The following TTC28 variants were observed in gnomAD, a reference collection of about 807,000 sequenced individuals.
TTC28 encodes the protein tetratricopeptide repeat domain 28, also known as tetratricopeptide repeat protein 28.
In TTC28, 61 loss-of-function variants were observed where a neutral mutation model predicts 198.0. The observed-to-expected ratio is 0.31, with a 90% CI of 0.25 to 0.38. TTC28 has a LOEUF of 0.38. Ranked by LOEUF, TTC28 falls within the 10% of genes least tolerant of loss-of-function variation. The pLI is 1.00. For missense variants in TTC28, 2,678 were observed against 3,164.0 expected, an observed-to-expected ratio of 0.85 and a Z score of 3.69; for synonymous variants, 1,171 against 1,297.8, an observed-to-expected ratio of 0.90 and a Z score of 2.10.
intron 2 of TTC28, among the ~76,000 whole-genome samples, chr22:28,577,902 G>A (rs1024174429): frequency 1.3e-5 from 2 of 151,952 alleles, no homozygotes; most frequent in African/African-American, 4.8e-5. Flanking sequence ...ATGGTGTCTT[G>A]TTTTTTATCC....
intron 5 of TTC28, among the ~76,000 whole-genome samples, chr22:28,190,215 G>C (rs996005705): frequency 6.6e-6 from 1 of 152,144 alleles, no homozygotes; most frequent in African/African-American, 2.4e-5. Flanking sequence ...TCTGCTGAGG[G>C]GGTACTTTGT....
chr22:28,224,699 G>A (rs34637076), intron 5 of TTC28, among the ~76,000 whole-genome samples: 10,122 of 152,200 alleles, frequency 0.067, 355 homozygotes, highest in African/African-American at 0.074. Context: ...CAGGGAGATG[G>A]CTGATGAGAA....
intron 1 of TTC28, among the ~76,000 whole-genome samples, chr22:28,663,881 A>G (rs2051796810): frequency 4.0e-5 from 1 of 25,300 alleles, no homozygotes; most frequent in Non-Finnish European, 6.8e-5. Flanking sequence ...TAACCTCTGC[A>G]GACTTAAGTG....
At chr22:28,542,562 T>C (rs2049438668) in intron 2 of TTC28, among the ~76,000 whole-genome samples, 1 of 152,174 alleles carries the variant, frequency 6.6e-6, no homozygotes, top group Non-Finnish European at 1.5e-5. Flanking sequence ...CAATTCTATG[T>C]TATGTATATT....
chr22:28,559,577 T>C (rs1445843098), intron 2 of TTC28, among the ~76,000 whole-genome samples: 2 of 152,210 alleles, frequency 1.3e-5, no homozygotes, highest in African/African-American at 4.8e-5. Flanking sequence ...CAACAGCATC[T>C]ATTTCCCCAC....
intron 6 of TTC28, among the ~76,000 whole-genome samples, chr22:28,146,393 A>C (rs552023194): frequency 6.6e-6 from 1 of 152,326 alleles, no homozygotes; most frequent in South Asian, 2.1e-4. Flanking sequence ...TGAGTTCTTC[A>C]CTGACGAACT....
chr22:28,637,047 C>T (rs758138055), intron 1 of TTC28, among the ~76,000 whole-genome samples: 1 of 134,598 alleles, frequency 7.4e-6, no homozygotes. Flanking sequence ...CTTGCTCTGT[C>T]GCCCAGGCTG....
At chr22:28,671,075 G>A (rs768670112) in intron 1 of TTC28, among the ~76,000 whole-genome samples, 3 of 151,962 alleles carry the variant, frequency 2.0e-5, no homozygotes, top group Non-Finnish European at 4.4e-5. Flanking sequence ...CTGCAGCTGC[G>A]ATTTCCCAGG....
chr22:28,454,034 T>C (rs762480073), intron 2 of TTC28, among the ~76,000 whole-genome samples: 21 of 152,262 alleles, frequency 1.4e-4, no homozygotes, highest in Non-Finnish European at 2.5e-4. Flanking sequence ...ATTGCAGTTA[T>C]GTCTACCTGG....
intron 2 of TTC28, among the ~76,000 whole-genome samples, chr22:28,359,177 G>A (rs1364663440): frequency 3.9e-5 from 6 of 152,020 alleles, no homozygotes; most frequent in African/African-American, 1.4e-4. Flanking sequence ...TCTAGAATAC[G>A]GGTTGGAATA....
At chr22:28,390,416 T>C (rs1185555805) in intron 2 of TTC28, among the ~76,000 whole-genome samples, 1 of 152,120 alleles carries the variant, frequency 6.6e-6, no homozygotes, top group Non-Finnish European at 1.5e-5. Flanking sequence ...TTCTGTCTCG[T>C]TGATCTGTCT....
chr22:28,285,464 A>G (rs2044666406), intron 5 of TTC28, among the ~76,000 whole-genome samples: 1 of 152,128 alleles, frequency 6.6e-6, no homozygotes, highest in East Asian at 1.9e-4. Flanking sequence ...TATAAGACAA[A>G]TAAGTTCTGG....
At chr22:28,366,043 G>C (rs1398089819) in intron 2 of TTC28, among the ~76,000 whole-genome samples, 1 of 152,184 alleles carries the variant, frequency 6.6e-6, no homozygotes, top group Non-Finnish European at 1.5e-5. Flanking sequence ...CAAAAGGAAA[G>C]AACGTGCTAC....
At position 28,505,889 on chromosome 22, in the gene TTC28, C is replaced by T. The variant is rs183585258; in HGVS notation, c.381+123663G>A. Among the ~76,000 whole-genome samples, 25 of 152,346 alleles carry T rather than the reference C, an allele frequency of 1.6e-4. No individual in the cohort carries two copies. The East Asian group carries it at 4.8e-3, about 29-fold the overall frequency. ...AGGCTGGAGTCGGCCTGAGTTGGAA[C>T]GGAGTTCCCGGGGAAGAAGGGTGGC... On this transcript the variant is annotated intron_variant, in intron 2 of 22. Coordinates refer to ENST00000397906, the MANE Select transcript of TTC28 (RefSeq NM_001145418.2).
chr22:28,333,886 A>G (rs1265145244), intron 2 of TTC28, among the ~76,000 whole-genome samples: 3 of 152,090 alleles, frequency 2.0e-5, no homozygotes, highest in Non-Finnish European at 4.4e-5. Context: ...CTTTTAGGGT[A>G]CATGTCCATA....
intron 2 of TTC28, among the ~76,000 whole-genome samples, chr22:28,429,057 A>G (rs1371855845): frequency 2.0e-5 from 3 of 152,224 alleles, no homozygotes; most frequent in Non-Finnish European, 4.4e-5. Context: ...GTGTTACTCA[A>G]TTTGCCTCCT....
At position 28,530,131 on chromosome 22, in the gene TTC28, G is replaced by A. The variant is rs547455979; in HGVS notation, c.381+99421C>T. Among the ~76,000 whole-genome samples, 32 of 152,264 alleles carry A rather than the reference G, an allele frequency of 2.1e-4. No homozygotes were observed. The East Asian group carries it at 2.5e-3, about 12-fold the overall frequency. On this transcript the variant is annotated intron_variant, in intron 2 of 22. Coordinates refer to ENST00000397906, the MANE Select transcript of TTC28 (RefSeq NM_001145418.2). The stretch of plus-strand genomic sequence containing the variant: ...TTCTCCGAGCTAAAGGAGGATGTTC[G>A]AAACCACTGCAAAGAAGCTAAAAAC...
chr22:28,201,418 G>A (rs985565050), intron 5 of TTC28, among the ~76,000 whole-genome samples: 1 of 152,116 alleles, frequency 6.6e-6, no homozygotes, highest in Admixed American at 6.6e-5. Flanking sequence ...TTCTTAGGGT[G>A]TCAAGGAAGG....
At chr22:27,990,231 T>TGGGGCC (rs1339442371) in intron 20 of TTC28, among the ~76,000 whole-genome samples, 1 of 152,170 alleles carries the variant, frequency 6.6e-6, no homozygotes, top group Non-Finnish European at 1.5e-5. Flanking sequence ...TGTGGCCTCC[T>TGGGGCC]GGGGCCGGGG....
Sources: allele counts gnomAD v4.1 joint callset (sites outside exome capture counted in the v4.1 genomes callset), GRCh38; gene constraint gnomAD v4.1.1; transcripts MANE v1.5; gene names NCBI Gene and HGNC (gene_info 2026-07-23, HGNC 2026-07-21).